COL24A1: variants seen among roughly 807,000 people sequenced by gnomAD.
COL24A1 encodes collagen alpha-1(XXIV) chain.
COL24A1 carries 224 observed loss-of-function variants against 253.9 expected under a neutral mutation model. That is an observed-to-expected ratio of 0.88 (90% CI 0.79 to 0.99). The LOEUF is 0.99. Ranked by LOEUF, COL24A1 falls within the 50% of genes least tolerant of loss-of-function variation. COL24A1 has a pLI of 0.00. For missense variants in COL24A1, 2,131 were observed against 2,068.5 expected, an observed-to-expected ratio of 1.03 and a Z score of -0.59; for synonymous variants, 685 against 673.7, an observed-to-expected ratio of 1.02 and a Z score of -0.26.
chr1:85,765,602 G>T (rs1367249959), intron 53 of COL24A1, among the ~76,000 whole-genome samples: 2 of 151,352 alleles, frequency 1.3e-5, no homozygotes, highest in Non-Finnish European at 2.9e-5. Flanking sequence ...TTAGCCAAGT[G>T]CAATGACACG....
chr1:85,821,145 T>C (rs1283140600), intron 45 of COL24A1, among the ~76,000 whole-genome samples: 3 of 152,230 alleles, frequency 2.0e-5, no homozygotes, highest in African/African-American at 7.2e-5. Flanking sequence ...AGAGTCATTA[T>C]AGGACAGTTC....
At chr1:85,844,381 A>T (rs750310531) in intron 39 of COL24A1, among the ~76,000 whole-genome samples, 2 of 152,118 alleles carry the variant, frequency 1.3e-5, no homozygotes, top group Non-Finnish European at 2.9e-5. Flanking sequence ...GTAAAAACAC[A>T]AACATAAAAA....
chr1:85,895,222 G>GA (rs1490666332), intron 31 of COL24A1, among the ~76,000 whole-genome samples: 1 of 151,664 alleles, frequency 6.6e-6, no homozygotes, highest in Non-Finnish European at 1.5e-5. Context: ...GCCTCTCAGG[G>GA]AAAAAAATGT....
At chr1:86,089,068 G>C in intron 7 of COL24A1, 106 bp downstream of exon 7, 1 of 816,730 alleles carries the variant, frequency 1.2e-6, no homozygotes. Flanking sequence ...AGACCTCCAA[G>C]ATCCATATAT....
intron 19 of COL24A1, among the ~76,000 whole-genome samples, chr1:85,990,616 C>T (rs1483545983): frequency 6.6e-6 from 1 of 152,144 alleles, no homozygotes; most frequent in Non-Finnish European, 1.5e-5. Flanking sequence ...TTAGGGGCCC[C>T]TGCAGTATCA....
At chr1:85,921,515 T>C (rs1419043442) in intron 24 of COL24A1, among the ~76,000 whole-genome samples, 2 of 152,186 alleles carry the variant, frequency 1.3e-5, no homozygotes, top group African/African-American at 2.4e-5. Flanking sequence ...CCTCCACTGG[T>C]GATACCTAGG....
intron 35 of COL24A1, 142 bp downstream of exon 35, chr1:85,874,507 A>G (rs1048563648): frequency 2.7e-6 from 2 of 744,430 alleles, no homozygotes; most frequent in Admixed American, 5.8e-5. Flanking sequence ...GCAGCTTTTG[A>G]AAGTATGAAA....
At chr1:86,152,117 G>T (rs538613016) in intron 1 of COL24A1, among the ~76,000 whole-genome samples, 1 of 152,124 alleles carries the variant, frequency 6.6e-6, no homozygotes, top group East Asian at 1.9e-4. Flanking sequence ...CACAGCAGTG[G>T]ACATAAAGTT....
Position 86,033,808 on chromosome 1 carries a change from T to C in COL24A1, c.2004+62A>G, listed in dbSNP as rs1159834023. The C allele has an allele frequency of 8.0e-6, 11 of 1,372,844 alleles. No homozygotes were observed. In the Admixed American group the frequency reaches 1.7e-4, roughly 21 times the overall value. The allele number at this position is 1,372,844 out of a possible 1,614,324, so 85.0% of individuals were successfully genotyped here. A position where few individuals can be genotyped will look rare whatever the true frequency, so the allele number is the denominator to read the frequency against. On this transcript the variant is annotated intron_variant, in intron 13 of 59. Transcript: ENST00000370571. Reference sequence around the variant, plus strand: ...CAAATATGATAATAAGGACTGTAAGTGCAGTGCTATGAAGTATGAATGATG... The same window carrying C: ...CAAATATGATAATAAGGACTGTAAGCGCAGTGCTATGAAGTATGAATGATG...
intron 38 of COL24A1, 137 bp from the exon 39 acceptor site, chr1:85,847,909 T>C: frequency 2.1e-6 from 1 of 471,546 alleles, no homozygotes; most frequent in Non-Finnish European, 3.7e-6. Context: ...AACAATAACA[T>C]ACCATCACTA....
intron 38 of COL24A1, 49 bp downstream of exon 38, chr1:85,849,303 TG>T: frequency 7.0e-7 from 1 of 1,435,910 alleles, no homozygotes; most frequent in Non-Finnish European, 9.8e-7. Context: ...TATGGAGTTC[TG>T]GGCACATCAG....
chr1:86,011,584 T>C (rs947447440), intron 19 of COL24A1, among the ~76,000 whole-genome samples: 3 of 152,216 alleles, frequency 2.0e-5, no homozygotes, highest in Admixed American at 1.3e-4. Flanking sequence ...GCTCTCCTTC[T>C]CTGTTCCAGC....
intron 53 of COL24A1, among the ~76,000 whole-genome samples, chr1:85,774,627 C>T (rs1051087910): frequency 1.3e-5 from 2 of 152,114 alleles, no homozygotes; most frequent in African/African-American, 2.4e-5. Context: ...GGAATTTATC[C>T]ATTTCTTTTA....
At chr1:85,809,792 ATATATAG>A (rs1365638598) in intron 47 of COL24A1, among the ~76,000 whole-genome samples, 1 of 147,802 alleles carries the variant, frequency 6.8e-6, no homozygotes, top group Non-Finnish European at 1.5e-5. Flanking sequence ...ATATAATATT[ATATATAG>A]TATATAATAT....
intron 12 of COL24A1, among the ~76,000 whole-genome samples, chr1:86,046,231 G>T (rs767779653): frequency 1.3e-5 from 2 of 152,096 alleles, no homozygotes; most frequent in Non-Finnish European, 2.9e-5. Flanking sequence ...TATCTTCACA[G>T]ACTATACTAG....
intron 37 of COL24A1, among the ~76,000 whole-genome samples, chr1:85,851,262 T>C (rs1414023614): frequency 6.6e-6 from 1 of 152,144 alleles, no homozygotes; most frequent in Non-Finnish European, 1.5e-5. Flanking sequence ...CACATTTTTG[T>C]TTTGAAATTA....
chr1:85,834,076 C>T (rs1382214192), intron 43 of COL24A1, among the ~76,000 whole-genome samples: 1 of 151,656 alleles, frequency 6.6e-6, no homozygotes, highest in African/African-American at 2.4e-5. Flanking sequence ...TGTAACAAAC[C>T]TGTACATTGT....
At chr1:85,842,682 A>G (rs78731300) in intron 39 of COL24A1, among the ~76,000 whole-genome samples, 2,483 of 152,232 alleles carry the variant, frequency 0.016, 64 homozygotes, top group African/African-American at 0.056. Flanking sequence ...CTCCCTAACG[A>G]ATTATTGGAA....
rs77310185 is a variant in COL24A1, at chr1:85,822,592, C to T, written c.3789+944G>A. The stretch of plus-strand genomic sequence containing the variant: ...TGATAAGATTTGCCTTATGAAAAAA[C>T]AACTTTCAAACCAATTATGAGCCTG... On this transcript the variant is annotated intron_variant, in intron 45 of 59. Transcript: ENST00000370571. Among the ~76,000 whole-genome samples, 21 of 152,264 alleles carry T rather than the reference C, an allele frequency of 1.4e-4. No homozygotes were observed. In the East Asian group the frequency reaches 4.1e-3, roughly 29 times the overall value.
Sources: allele counts gnomAD v4.1 joint callset (sites outside exome capture counted in the v4.1 genomes callset), GRCh38; gene constraint gnomAD v4.1.1; transcripts MANE v1.5; gene names NCBI Gene and HGNC (gene_info 2026-07-23, HGNC 2026-07-21).